The following KCNG3 variants were observed in gnomAD, a reference collection of about 807,000 sequenced individuals.
KCNG3 encodes the protein voltage-gated potassium channel regulatory subunit KCNG3.
Under a neutral mutation model 29.0 loss-of-function variants are expected in KCNG3, and 15 were observed. The observed-to-expected ratio is 0.52, with a 90% CI of 0.35 to 0.80. The LOEUF is 0.80. Ranked by LOEUF, KCNG3 falls within the 30% of genes least tolerant of loss-of-function variation. KCNG3 has a pLI of 0.01. For synonymous variants in KCNG3, 322 were observed against 248.9 expected (o/e 1.29, Z -2.76); for missense variants, 512 against 605.7 (o/e 0.85, Z 1.62).
the KCNG3 span, among the ~76,000 whole-genome samples, chr2:42,436,696 AAAG>A: frequency 6.6e-6 from 1 of 152,234 alleles, no homozygotes; most frequent in East Asian, 1.9e-4. Flanking sequence ...CAGGGAATAA[AAAG>A]AAGGTATCCA....
chr2:42,469,982 C>T, intron 1 of KCNG3: 1 of 474,302 alleles, frequency 2.1e-6, no homozygotes, highest in South Asian at 2.5e-5. Flanking sequence ...CAGAGAGACA[C>T]ATGGTGTTGC....
chr2:42,402,727 T>A, the KCNG3 span, among the ~76,000 whole-genome samples: 11 of 152,208 alleles, frequency 7.2e-5, no homozygotes, highest in Non-Finnish European at 1.3e-4. Context: ...TTGGGCTCTG[T>A]TTTGGGGCTC....
At chr2:42,446,756 G>C (rs946567565) in intron 1 of KCNG3, among the ~76,000 whole-genome samples, 7 of 152,204 alleles carry the variant, frequency 4.6e-5, no homozygotes, top group Admixed American at 6.5e-5. Context: ...TTACAGGGCT[G>C]TAAAGATTAA....
chr2:42,447,491 G>C (rs1392161086), intron 1 of KCNG3, among the ~76,000 whole-genome samples: 1 of 151,394 alleles, frequency 6.6e-6, no homozygotes, highest in East Asian at 2.0e-4. Flanking sequence ...TCCACCAGAT[G>C]AACATTAACA....
the KCNG3 span, among the ~76,000 whole-genome samples, chr2:42,421,128 C>T: frequency 6.6e-6 from 1 of 152,272 alleles, no homozygotes; most frequent in Non-Finnish European, 1.5e-5. Context: ...GATATACAGA[C>T]ATATTCACAG....
the KCNG3 span, among the ~76,000 whole-genome samples, chr2:42,430,549 G>C: frequency 6.7e-6 from 1 of 149,238 alleles, no homozygotes; most frequent in Non-Finnish European, 1.5e-5. Context: ...CGGGAGGTTT[G>C]AGACCAGCCT....
the KCNG3 span, among the ~76,000 whole-genome samples, chr2:42,389,509 T>C: frequency 6.4e-3 from 972 of 152,352 alleles, 2 homozygotes; most frequent in Middle Eastern, 0.017. Context: ...TGGACCCATT[T>C]ATGCTCCCAG....
At chr2:42,458,593 A>G (rs1672937564) in intron 1 of KCNG3, among the ~76,000 whole-genome samples, 1 of 152,214 alleles carries the variant, frequency 6.6e-6, no homozygotes, top group South Asian at 2.1e-4. Context: ...AATTACAGGC[A>G]ATTACTACAA....
At chr2:42,468,185 G>C (rs954140570) in intron 1 of KCNG3, among the ~76,000 whole-genome samples, 5 of 152,178 alleles carry the variant, frequency 3.3e-5, no homozygotes, top group African/African-American at 7.2e-5. Context: ...AGAGGGTTTA[G>C]TCACTGCAGC....
chr2:42,409,730 T>A, the KCNG3 span, among the ~76,000 whole-genome samples: 791 of 65,738 alleles, frequency 0.012, 9 homozygotes, highest in African/African-American at 0.02. Flanking sequence ...AAAAAAAAAA[T>A]TTTTTTTTAA....
chr2:42,465,166 A>T (rs980324139), intron 1 of KCNG3, among the ~76,000 whole-genome samples: 20 of 152,178 alleles, frequency 1.3e-4, no homozygotes, highest in African/African-American at 4.8e-4. Context: ...TAAATTTAAA[A>T]GTGAAAACTT....
intron 1 of KCNG3, among the ~76,000 whole-genome samples, chr2:42,483,130 A>C (rs1673633626): frequency 6.6e-6 from 1 of 152,154 alleles, no homozygotes; most frequent in Non-Finnish European, 1.5e-5. Context: ...CAAAAAAATA[A>C]AAATAAAAAA....
the KCNG3 span, among the ~76,000 whole-genome samples, chr2:42,430,234 G>A: frequency 6.6e-6 from 1 of 151,732 alleles, no homozygotes; most frequent in African/African-American, 2.4e-5. Flanking sequence ...TGAGCATCAT[G>A]GTGCACGCCT....
At chr2:42,475,220 G>A (rs1010764184) in intron 1 of KCNG3, among the ~76,000 whole-genome samples, 2 of 152,034 alleles carry the variant, frequency 1.3e-5, no homozygotes, top group Admixed American at 6.6e-5. Flanking sequence ...AGCTACTTGA[G>A]AGGCTGAGGC....
chr2:42,440,939 T>C (rs1672459827), downstream of KCNG3, among the ~76,000 whole-genome samples: 1 of 152,238 alleles, frequency 6.6e-6, no homozygotes, highest in South Asian at 2.1e-4. Context: ...GCTTTTTTCC[T>C]CTTTGGGTAT....
At chr2:42,441,678 T>C (rs1274972094), downstream of KCNG3, among the ~76,000 whole-genome samples, 1 of 77,390 alleles carries the variant, frequency 1.3e-5, no homozygotes, top group Non-Finnish European at 2.9e-5. Context: ...GCATGAAGTC[T>C]GTGTGTATAT....
the KCNG3 span, chr2:42,415,600 G>C: frequency 6.6e-6 from 1 of 152,146 alleles, no homozygotes; most frequent in Non-Finnish European, 1.5e-5. Context: ...GTAGTTGTAA[G>C]GCATTAAGAC....
At chr2:42,476,336 G>A (rs1673425087) in intron 1 of KCNG3, among the ~76,000 whole-genome samples, 1 of 151,698 alleles carries the variant, frequency 6.6e-6, no homozygotes, top group African/African-American at 2.4e-5. Context: ...AATTAGCCAG[G>A]TACAGTGGCA....
the KCNG3 span, among the ~76,000 whole-genome samples, chr2:42,418,066 C>T: frequency 2.0e-5 from 3 of 152,000 alleles, no homozygotes; most frequent in East Asian, 5.8e-4. Context: ...TTTAAGTGAA[C>T]AATTAAGTGG....
Sources: allele counts gnomAD v4.1 joint callset (sites outside exome capture counted in the v4.1 genomes callset), GRCh38; gene constraint gnomAD v4.1.1; transcripts MANE v1.5; gene names NCBI Gene and HGNC (gene_info 2026-07-23, HGNC 2026-07-21).